The following PRKCQ variants were observed in gnomAD, a reference collection of about 807,000 sequenced individuals.
PRKCQ encodes the protein protein kinase C theta, also known as protein kinase C theta type.
PRKCQ carries 41 observed loss-of-function variants against 91.2 expected under a neutral mutation model. That is an observed-to-expected ratio of 0.45 (90% CI 0.35 to 0.58). The LOEUF (loss-of-function observed/expected upper bound fraction) is 0.58. Among genes scored for constraint, PRKCQ ranks in the 20% least tolerant of loss-of-function variants. The pLI, the probability that PRKCQ is intolerant of heterozygous loss-of-function variation, is 0.00. For missense variants in PRKCQ, 673 were observed against 896.5 expected, an observed-to-expected ratio of 0.75 and a Z score of 3.18; for synonymous variants, 307 against 316.9, an observed-to-expected ratio of 0.97 and a Z score of 0.33.
chr10:6,526,893 G>T (rs1449999624), intron 1 of PRKCQ, among the ~76,000 whole-genome samples: 1 of 152,184 alleles, frequency 6.6e-6, no homozygotes, highest in Non-Finnish European at 1.5e-5. Flanking sequence ...GAGACTACTG[G>T]GGGCGACTTC....
Position 6,436,877 on chromosome 10 carries a change from T to C in PRKCQ, c.1836+5016A>G, listed in dbSNP as rs183949660. Among the ~76,000 whole-genome samples the C allele has an allele frequency of 9.8e-5, 15 of 152,328 alleles. No homozygotes were observed. In the East Asian group the frequency reaches 2.9e-3, roughly 29 times the overall value. ...TTCCAACTTCTCTCCACGGAATTAC[T>C]TCTGGTTACCTCTGTCCCTCCTTCA... On this transcript the variant is annotated intron_variant, in intron 16 of 17. Coordinates refer to ENST00000263125, the MANE Select transcript of PRKCQ (RefSeq NM_006257.5).
At chr10:6,526,253 T>C (rs1285507195) in intron 1 of PRKCQ, among the ~76,000 whole-genome samples, 1 of 152,216 alleles carries the variant, frequency 6.6e-6, no homozygotes, top group Admixed American at 6.5e-5. Context: ...CCACGATTTC[T>C]GATTTAGTGA....
In PRKCQ at chr10:6,507,510, G is replaced by C. The variant is rs1838258574; in HGVS notation, c.319-14C>G. On this transcript the variant is annotated splice_polypyrimidine_tract_variant and intron_variant, in intron 3 of 17. Transcript: ENST00000263125. ...TTTCAGCTCTAACTGGTTGGGAGAA[G>C]GAGAGAAACATCAGTCAGAATGTGA... 1 of 1,610,366 alleles carries C rather than the reference G, an allele frequency of 6.2e-7. No individual in the cohort carries two copies. Among genetic ancestry groups the C allele is most frequent in the African/African-American group, 1.3e-5 (1 of 74,828 alleles).
At chr10:6,435,391 G>A (rs1419319720) in intron 16 of PRKCQ, among the ~76,000 whole-genome samples, 1 of 152,158 alleles carries the variant, frequency 6.6e-6, no homozygotes, top group Non-Finnish European at 1.5e-5. Context: ...TTTTATTTTT[G>A]CAACAAATGG....
chr10:6,576,170 T>C lies in PRKCQ; in HGVS notation c.-10+4041A>G, dbSNP rs1480400176. ...TGGCAGTTCCTCAAAAAATTAAACA[T>C]AGAATTACCCTACGACCCCACAATT... is the stretch of plus-strand genomic sequence containing the variant. On this transcript the variant is annotated intron_variant, in intron 1 of 17. Transcript: ENST00000263125. The surrounding 1 kb of genome is among the most constrained non-coding windows in gnomAD (Gnocchi z 4.2). Among the ~76,000 whole-genome samples, 1 of 152,140 alleles carries C rather than the reference T, an allele frequency of 6.6e-6. No individual in the cohort carries two copies. Among genetic ancestry groups the C allele is most frequent in the African/African-American group, 2.4e-5 (1 of 41,408 alleles).
chr10:6,404,956 A>ATCCTTCTT, the PRKCQ span, among the ~76,000 whole-genome samples: 1 of 139,546 alleles, frequency 7.2e-6, no homozygotes, highest in South Asian at 2.3e-4. Flanking sequence ...CCTTCCTTCT[A>ATCCTTCTT]TCCTTCCTTC....
chr10:6,462,266 G>A lies in PRKCQ; in HGVS notation c.1508+37C>T, dbSNP rs367805164. ...TTAAATTAACTGAGCCAGGAAAGCC[G>A]ATATCTTAGCATTTGTTTCCACAAA... On this transcript the variant is annotated intron_variant, in intron 14 of 17. Coordinates refer to ENST00000263125, the MANE Select transcript of PRKCQ (RefSeq NM_006257.5). 5.1e-6 allele frequency: 8 copies of A among 1,569,426 alleles called. No individual in the cohort carries two copies. In the East Asian group the frequency reaches 9.0e-5, roughly 18 times the overall value.
intron 11 of PRKCQ, among the ~76,000 whole-genome samples, chr10:6,479,767 TAAA>T (rs34610362): frequency 4.6e-4 from 18 of 38,994 alleles, no homozygotes; most frequent in African/African-American, 1.0e-3. Context: ...CCGTCTCGAC[TAAA>T]AAAAAAAAAA....
intron 13 of PRKCQ, among the ~76,000 whole-genome samples, chr10:6,463,940 A>G (rs1297690852): frequency 6.6e-6 from 1 of 152,308 alleles, no homozygotes; most frequent in East Asian, 1.9e-4. Context: ...ATGCCTCCAC[A>G]TCAGGCTTTC....
chr10:6,525,353 G>A (rs1413626404), intron 1 of PRKCQ, among the ~76,000 whole-genome samples: 2 of 152,046 alleles, frequency 1.3e-5, no homozygotes, highest in African/African-American at 2.4e-5. Flanking sequence ...CAAGACAGGC[G>A]GATCACCTGA....
At chr10:6,562,400 T>G (rs1840669268) in intron 1 of PRKCQ, among the ~76,000 whole-genome samples, 1 of 152,170 alleles carries the variant, frequency 6.6e-6, no homozygotes, top group Non-Finnish European at 1.5e-5. Flanking sequence ...GACGCACGCT[T>G]CAGGGCCCAG....
the PRKCQ span, among the ~76,000 whole-genome samples, chr10:6,400,909 A>G: frequency 2.6e-5 from 4 of 152,200 alleles, no homozygotes; most frequent in Non-Finnish European, 5.9e-5. Flanking sequence ...TGCTAAGAAC[A>G]ACGACCATAG....
In PRKCQ at chr10:6,515,056, G is replaced by A. The variant is rs145984477; in HGVS notation, c.80C>T (p.Pro27Leu). 393 of 1,613,692 alleles carry A rather than the reference G, an allele frequency of 2.4e-4. No individual in the cohort carries two copies. The highest frequency in any genetic ancestry group is 3.1e-4 in the Non-Finnish European group (369 of 1,179,962). The change falls in exon 2 of 18, where the codon CCT (proline) becomes CTT (leucine). Residue 27 changes from proline to leucine, a missense_variant. Pro to Leu is a moderately conservative substitution (Grantham distance 98). Transcript: ENST00000263125. ...CTCTTTGACGAGCACAGCACAGTAAGGGTTAACAGCCTCGCCCTGACAAGA... is the reference window on the plus strand; with the variant it reads ...CTCTTTGACGAGCACAGCACAGTAAAGGTTAACAGCCTCGCCCTGACAAGA... The part of the protein sequence containing the change: ...CQSCQGEAVN[P>L]YCAVLVKEYV...
intron 3 of PRKCQ, among the ~76,000 whole-genome samples, chr10:6,507,792 G>A (rs939035472): frequency 6.6e-5 from 10 of 152,176 alleles, no homozygotes; most frequent in African/African-American, 1.9e-4. Context: ...GTAATGCTGC[G>A]TATCTGAAGG....
chr10:6,456,336 C>T (rs1835001917), intron 15 of PRKCQ, among the ~76,000 whole-genome samples: 1 of 152,194 alleles, frequency 6.6e-6, no homozygotes, highest in Admixed American at 6.5e-5. Flanking sequence ...TCTGACCCCA[C>T]AGTTTCACCA....
rs373727130 is a variant in PRKCQ at position 6,428,300 on chromosome 10, T to G, written c.2028A>C (p.Ser676=). The change falls in exon 18 of 18, where the codon TCA becomes TCC. Residue 676 remains serine (S), a synonymous_variant. Coordinates refer to ENST00000263125, the MANE Select transcript of PRKCQ (RefSeq NM_006257.5). The part of the protein sequence containing the change: ...KEFLNEKPRL[S]FADRALINSM... ...TGTTGATCAGTGCTCTGTCGGCAAA[T>G]GACAGCCGGGGCTTCTCGTTTAAGA... The G allele has an allele frequency of 2.4e-4, 388 of 1,614,026 alleles. No individual in the cohort carries two copies. Among genetic ancestry groups the G allele is most frequent in the Non-Finnish European group, 3.2e-4 (372 of 1,180,018 alleles).
At chr10:6,456,193 C>T (rs538532683) in intron 15 of PRKCQ, among the ~76,000 whole-genome samples, 1 of 152,324 alleles carries the variant, frequency 6.6e-6, no homozygotes, top group East Asian at 1.9e-4. Flanking sequence ...CACTCTTTCT[C>T]ATCTAATGCT....
intron 12 of PRKCQ, among the ~76,000 whole-genome samples, chr10:6,467,296 TGAGAGAGAGA>T (rs35362449): frequency 3.6e-5 from 4 of 111,940 alleles, no homozygotes; most frequent in Middle Eastern, 4.6e-3. Flanking sequence ...CCAAGCAGGC[TGAGAGAGAGA>T]GAGAGAGAGA....
downstream of PRKCQ, among the ~76,000 whole-genome samples, chr10:6,424,051 GCA>G (rs1833063994): frequency 6.6e-6 from 1 of 152,032 alleles, no homozygotes; most frequent in Non-Finnish European, 1.5e-5. Context: ...TGTAGCTGTG[GCA>G]CCAAGAGCAA....
Sources: gnomAD v4.1 joint callset for allele counts (sites outside exome capture counted in the v4.1 genomes callset) on GRCh38, gnomAD v4.1.1 for gene constraint, Gnocchi (gnomAD v3.1) non-coding constraint, MANE v1.5 for transcripts, NCBI Gene and HGNC (gene_info 2026-07-23, HGNC 2026-07-21) for gene names.